DIAPH2: variants seen among roughly 807,000 people sequenced by gnomAD.
The protein encoded by DIAPH2 is diaphanous related formin 2, also known as protein diaphanous homolog 2.
Under a neutral mutation model 92.7 loss-of-function variants are expected in DIAPH2, and 35 were observed. That is an observed-to-expected ratio of 0.38 (90% CI 0.29 to 0.50). The LOEUF (loss-of-function observed/expected upper bound fraction) is 0.50. Among genes scored for constraint, DIAPH2 ranks in the 20% least tolerant of loss-of-function variants. The pLI is 0.94. For synonymous variants in DIAPH2, 301 were observed against 280.4 expected (o/e 1.07, Z -0.73); for missense variants, 701 against 819.5 (o/e 0.86, Z 1.77).
At chrX:97,175,771 C>T (rs761169275) in intron 22 of DIAPH2, among the ~76,000 whole-genome samples, 1 of 112,158 alleles carries the variant, frequency 8.9e-6, no homozygotes, top group Non-Finnish European at 1.9e-5. Flanking sequence ...GCTACTTGCT[C>T]TGGTAAATTC....
intron 17 of DIAPH2, among the ~76,000 whole-genome samples, chrX:96,973,587 G>C (rs1391885883): frequency 1.8e-5 from 2 of 110,569 alleles, no homozygotes; most frequent in Non-Finnish European, 3.8e-5. Context: ...ATAATATTTA[G>C]GTATTATAAC....
chrX:96,718,081 A>G (rs1201043479), intron 1 of DIAPH2, among the ~76,000 whole-genome samples: 3 of 106,109 alleles, frequency 2.8e-5, no homozygotes, highest in Non-Finnish European at 5.8e-5. Flanking sequence ...CCAATTAACC[A>G]TCCCCACACC....
At chrX:97,315,648 G>A (rs376934938) in intron 23 of DIAPH2, among the ~76,000 whole-genome samples, 45 of 99,326 alleles carry the variant, frequency 4.5e-4, no homozygotes, top group African/African-American at 1.7e-3. Flanking sequence ...GGATGGGTTT[G>A]AAAGTGTTCT....
At chrX:97,557,276 C>T (rs2071263922) in intron 26 of DIAPH2, among the ~76,000 whole-genome samples, 1 of 111,696 alleles carries the variant, frequency 9.0e-6, no homozygotes. Context: ...CGGTGGCTCA[C>T]ACCTGTAATC....
At position 97,600,830 on chromosome X, in the gene DIAPH2, A is replaced by C. The variant is rs138840510; in HGVS notation, c.*1513A>C. 9.9e-4 allele frequency: 111 copies of C among 112,272 alleles called. No homozygotes were observed. Among genetic ancestry groups the C allele is most frequent in the African/African-American group, 3.2e-3 (99 of 30,963 alleles). 9.3% of individuals were successfully genotyped at this position (112,272 alleles called of 1,213,427 possible). On this transcript the variant is annotated 3_prime_UTR_variant, in exon 27 of 27. Coordinates refer to ENST00000324765, the MANE Select transcript of DIAPH2 (RefSeq NM_006729.5). ...CTGGCTTGGCAAATCCCCATCTGAGATAAAGTAAACAAGTGACCAGCAGCC... is the reference window on the plus strand; with the variant it reads ...CTGGCTTGGCAAATCCCCATCTGAGCTAAAGTAAACAAGTGACCAGCAGCC...
intron 4 of DIAPH2, among the ~76,000 whole-genome samples, chrX:96,814,169 C>T (rs746017619): frequency 3.4e-4 from 38 of 111,782 alleles, no homozygotes; most frequent in Middle Eastern, 9.2e-3. Context: ...CCCAAACAAA[C>T]GTAGATTTGG....
chrX:96,982,512 T>C (rs138132978), intron 17 of DIAPH2, among the ~76,000 whole-genome samples: 4,468 of 112,017 alleles, frequency 0.04, 106 homozygotes, highest in Middle Eastern at 0.083. Context: ...AAGTAACTAC[T>C]CTGTGACATG....
At chrX:96,807,259 C>A (rs983523850) in intron 4 of DIAPH2, among the ~76,000 whole-genome samples, 1 of 111,820 alleles carries the variant, frequency 8.9e-6, no homozygotes, top group Non-Finnish European at 1.9e-5. Flanking sequence ...CTGATACACA[C>A]GTTTCAGTGT....
At chrX:96,745,284 G>A (rs2064143849) in intron 3 of DIAPH2, among the ~76,000 whole-genome samples, 1 of 111,505 alleles carries the variant, frequency 9.0e-6, no homozygotes, top group African/African-American at 3.3e-5. Context: ...GGGATTACAG[G>A]CATGAGCCAC....
intron 23 of DIAPH2, among the ~76,000 whole-genome samples, chrX:97,329,742 CCT>C (rs2068980680): frequency 9.0e-6 from 1 of 110,613 alleles, no homozygotes; most frequent in Non-Finnish European, 1.9e-5. Flanking sequence ...GTAGTTAATA[CCT>C]CTAATTCCAT....
intron 4 of DIAPH2, among the ~76,000 whole-genome samples, chrX:96,819,299 G>A (rs2064762163): frequency 9.0e-6 from 1 of 111,727 alleles, no homozygotes; most frequent in Admixed American, 9.4e-5. Context: ...CTTTTATTTG[G>A]GCACCAGAAA....
intron 1 of DIAPH2, among the ~76,000 whole-genome samples, chrX:96,727,132 G>C (rs1314689276): frequency 8.9e-6 from 1 of 111,851 alleles, no homozygotes; most frequent in East Asian, 2.8e-4. Flanking sequence ...TTTTAAACTT[G>C]AATACATTTG....
intron 21 of DIAPH2, among the ~76,000 whole-genome samples, chrX:97,136,450 T>C (rs987919719): frequency 2.7e-5 from 3 of 112,025 alleles, no homozygotes; most frequent in Admixed American, 9.5e-5. Flanking sequence ...CCAAAATCTA[T>C]GCTTAATAAT....
intron 25 of DIAPH2, among the ~76,000 whole-genome samples, chrX:97,423,699 T>A (rs1163979492): frequency 8.9e-6 from 1 of 111,833 alleles, no homozygotes; most frequent in African/African-American, 3.2e-5. Context: ...AAGTTGCTTC[T>A]AAAGTGTTAC....
chrX:96,901,362 A>G (rs1367885262), intron 5 of DIAPH2, among the ~76,000 whole-genome samples: 1 of 106,470 alleles, frequency 9.4e-6, no homozygotes, highest in East Asian at 3.0e-4. Context: ...TCTTTCTTTA[A>G]TTAATCTCGC....
At position 97,438,355 on chromosome X, in the gene DIAPH2, G is replaced by T. The variant is rs200437970; in HGVS notation, c.3241+8610G>T. ...AGCTTCTTGTTTTTTTTTTTTGTTT[G>T]TTTGTTTTTTTTTTTTTTTTTTTTT... On this transcript the variant is annotated intron_variant, in intron 26 of 26. Coordinates refer to ENST00000324765, the MANE Select transcript of DIAPH2 (RefSeq NM_006729.5). 6.0e-3 allele frequency among the ~76,000 whole-genome samples: 248 copies of T among 41,513 alleles called. 1 individual carries two copies. The highest frequency in any genetic ancestry group is 6.2e-3 in the Non-Finnish European group (138 of 22,298). The allele number at this position is 41,513 out of a possible 115,157, so 36.0% of individuals were successfully genotyped here.
At chrX:97,162,997 A>G (rs755439232) in intron 22 of DIAPH2, among the ~76,000 whole-genome samples, 12 of 110,674 alleles carry the variant, frequency 1.1e-4, no homozygotes, top group Non-Finnish European at 1.7e-4. Flanking sequence ...GTGGTTTTTA[A>G]TGTTCATCTG....
intron 22 of DIAPH2, among the ~76,000 whole-genome samples, chrX:97,143,533 T>C (rs1261750519): frequency 9.1e-6 from 1 of 110,261 alleles, no homozygotes; most frequent in East Asian, 2.8e-4. Context: ...TAAATAAATA[T>C]GTACCACACA....
chrX:97,212,590 G>GTTTTTTT (rs57173350), intron 22 of DIAPH2, among the ~76,000 whole-genome samples: 31 of 67,792 alleles, frequency 4.6e-4, no homozygotes, highest in East Asian at 9.2e-4. Context: ...AGGGTTTTTT[G>GTTTTTTT]TTTTTTTTTT....
Sources: gnomAD v4.1 joint callset for allele counts (sites outside exome capture counted in the v4.1 genomes callset) on GRCh38, gnomAD v4.1.1 for gene constraint, MANE v1.5 for transcripts, NCBI Gene and HGNC (gene_info 2026-07-23, HGNC 2026-07-21) for gene names.